Variants in CRYBG1 observed in about 807,000 individuals in gnomAD.
CRYBG1 encodes beta/gamma crystallin domain-containing protein 1.
CRYBG1 carries 139 observed loss-of-function variants against 189.2 expected under a neutral mutation model. The ratio of observed to expected loss-of-function variants is 0.73; its 90% CI spans 0.64 to 0.85. The LOEUF is 0.85. Ranked by LOEUF, CRYBG1 falls within the 40% of genes least tolerant of loss-of-function variation. The pLI is 0.00. For missense variants in CRYBG1, 2,611 were observed against 2,675.8 expected (o/e 0.98, Z 0.53); for synonymous variants, 1,023 against 1,017.1 (o/e 1.01, Z -0.11).
At chr6:106,393,879 G>A (rs1321114787) in intron 1 of CRYBG1, among the ~76,000 whole-genome samples, 1 of 152,056 alleles carries the variant, frequency 6.6e-6, no homozygotes, top group Non-Finnish European at 1.5e-5. Flanking sequence ...TGCCATGTTA[G>A]CCAGGCTGGT....
intron 2 of CRYBG1, among the ~76,000 whole-genome samples, chr6:106,473,305 G>C (rs1772274353): frequency 6.6e-6 from 1 of 152,126 alleles, no homozygotes; most frequent in Admixed American, 6.6e-5. Context: ...GGGCAATCCT[G>C]TTTCCTCTCT....
At chr6:106,504,637 G>C (rs1255921795) in intron 2 of CRYBG1, among the ~76,000 whole-genome samples, 1 of 151,672 alleles carries the variant, frequency 6.6e-6, no homozygotes, top group African/African-American at 2.4e-5. Context: ...TCTTTTTGCT[G>C]TGCGTGTGTG....
chr6:106,404,608 A>G (rs557515776), intron 1 of CRYBG1, among the ~76,000 whole-genome samples: 1 of 152,210 alleles, frequency 6.6e-6, no homozygotes, highest in East Asian at 1.9e-4. Flanking sequence ...CCAAATAGGA[A>G]CAGCTCCGGT....
chr6:106,556,209 C>T (rs7755346), intron 17 of CRYBG1, among the ~76,000 whole-genome samples: 119,726 of 152,160 alleles, frequency 0.79, 48,932 homozygotes, highest in Non-Finnish European at 0.89. Flanking sequence ...TCAGTACTGC[C>T]AGATCCCACC....
At chr6:106,498,868 C>T (rs989115783) in intron 2 of CRYBG1, among the ~76,000 whole-genome samples, 8 of 151,286 alleles carry the variant, frequency 5.3e-5, no homozygotes, top group Admixed American at 4.6e-4. Flanking sequence ...AAGTGAGACC[C>T]GTCTCAAAAA....
chr6:106,536,561 G>A (rs9486385), intron 8 of CRYBG1, among the ~76,000 whole-genome samples: 45,739 of 152,098 alleles, frequency 0.3, 7,200 homozygotes, highest in South Asian at 0.37. Flanking sequence ...TTGTTTAAGA[G>A]CAAGTGAACA....
intron 1 of CRYBG1, among the ~76,000 whole-genome samples, chr6:106,393,529 G>C (rs891860485): frequency 1.3e-5 from 2 of 152,146 alleles, no homozygotes; most frequent in African/African-American, 4.8e-5. Context: ...GGCAGGGATT[G>C]GATGGTGCAC....
intron 1 of CRYBG1, among the ~76,000 whole-genome samples, chr6:106,361,457 A>G (rs1771867549): frequency 6.6e-6 from 1 of 152,132 alleles, no homozygotes; most frequent in Non-Finnish European, 1.5e-5. Context: ...ACTGCTTTTG[A>G]GCTAGTGTCT....
chr6:106,426,591 C>T (rs1041883730), intron 1 of CRYBG1, among the ~76,000 whole-genome samples: 2 of 152,124 alleles, frequency 1.3e-5, no homozygotes, highest in Non-Finnish European at 2.9e-5. Context: ...TTCAAACCCA[C>T]AGCCAACATC....
At position 106,539,458 on chromosome 6, in the gene CRYBG1, G is replaced by A. The variant is rs753058355; in HGVS notation, c.4774G>A (p.Gly1592Ser). Residue 1592 changes from glycine (G) to serine (S), a missense_variant, in exon 9 of 22, where the codon GGT becomes AGT. By Grantham distance (56) the Gly-to-Ser change is moderately conservative. This residue lies in a region of CRYBG1 where 1,622 missense variants were observed against 1,735.0 expected (regional missense o/e 0.93). Coordinates refer to ENST00000633556, the MANE Select transcript of CRYBG1 (RefSeq NM_001371242.2). ...FQGVPFILEP[G>S]EYPDLSFWDT... ...GGGTGTTCCTTTCATCCTGGAACCT[G>A]GTGAATACCCTGACTTGTCCTTCTG... 6.2e-7 allele frequency: 1 copy of A among 1,613,918 alleles called. No homozygotes were observed. The highest frequency in any genetic ancestry group is 1.1e-5 in the South Asian group (1 of 91,064).
intron 21 of CRYBG1, among the ~76,000 whole-genome samples, chr6:106,564,759 G>A (rs756951236): frequency 2.6e-5 from 4 of 152,252 alleles, no homozygotes; most frequent in Middle Eastern, 6.8e-3. Context: ...CTAGTGTGTT[G>A]CTATTGACAG....
intron 1 of CRYBG1, among the ~76,000 whole-genome samples, chr6:106,427,320 A>T (rs1771245380): frequency 6.6e-6 from 1 of 152,170 alleles, no homozygotes; most frequent in Non-Finnish European, 1.5e-5. Flanking sequence ...ACAGGTCTAA[A>T]ACCCAACTAT....
In CRYBG1 at chr6:106,553,307, G is replaced by C. The variant is rs575233548; in HGVS notation, c.5473-148G>C. On this transcript the variant is annotated intron_variant, in intron 15 of 21. Transcript: ENST00000633556. ...ATGTTTCTAATTGATCATGAATGTAGACATGGAAAATTAAAGGATTTCTAA... is the reference window on the plus strand; with the variant it reads ...ATGTTTCTAATTGATCATGAATGTACACATGGAAAATTAAAGGATTTCTAA... 161 of 606,344 alleles carry C rather than the reference G, an allele frequency of 2.7e-4. No individual in the cohort carries two copies. In the African/African-American group the frequency reaches 2.8e-3, roughly 10 times the overall value. The allele number at this position is 606,344 out of a possible 1,614,324, so 37.6% of individuals were successfully genotyped here.
At position 106,544,347 on chromosome 6, in the gene CRYBG1, C is replaced by T. The variant is rs117752389; in HGVS notation, c.5040-224C>T. 1.4e-3 allele frequency among the ~76,000 whole-genome samples: 210 copies of T among 152,204 alleles called. 2 individuals carry two copies. The East Asian group carries it at 0.018, about 13-fold the overall frequency. On this transcript the variant is annotated intron_variant, in intron 11 of 21. Coordinates refer to ENST00000633556, the MANE Select transcript of CRYBG1 (RefSeq NM_001371242.2). The stretch of plus-strand genomic sequence containing the variant: ...CACACATACACACCACTCACACACA[C>T]GCTCCCCTTCCCTTTTTTATACAAC...
intron 2 of CRYBG1, among the ~76,000 whole-genome samples, chr6:106,475,538 A>G (rs1437023527): frequency 6.6e-6 from 1 of 152,186 alleles, no homozygotes; most frequent in Admixed American, 6.5e-5. Flanking sequence ...AGATAAAGAG[A>G]CAGGCAAGCA....
At position 106,563,773 on chromosome 6, in the gene CRYBG1, G is replaced by T; in HGVS notation, c.6148G>T (p.Asp2050Tyr). ...CTTTTCCACTGAGCAGATAGCAGAAGACTGCTGCCTGACGATTGTGGGCAG... is the reference window on the plus strand; with the variant it reads ...CTTTTCCACTGAGCAGATAGCAGAATACTGCTGCCTGACGATTGTGGGCAG... ...EGCIKCRIAEDCCLTIVGSLV... is the reference protein window; with the variant it reads ...EGCIKCRIAEYCCLTIVGSLV... The change falls in exon 21 of 22, where the codon GAC becomes TAC. Residue 2050 changes from aspartate (D) to tyrosine (Y), a missense_variant. Physicochemically the swap from Asp to Tyr is radical, Grantham distance 160. Coordinates refer to ENST00000633556, the MANE Select transcript of CRYBG1 (RefSeq NM_001371242.2). The T allele has an allele frequency of 6.2e-7, 1 of 1,606,932 alleles. No individual in the cohort carries two copies.
intron 13 of CRYBG1, among the ~76,000 whole-genome samples, chr6:106,550,590 T>C (rs1360805222): frequency 1.3e-5 from 2 of 151,144 alleles, no homozygotes; most frequent in African/African-American, 4.8e-5. Flanking sequence ...TCTATGAGTT[T>C]GCTCAATTTT....
chr6:106,545,561 G>A (rs1770720), intron 13 of CRYBG1, among the ~76,000 whole-genome samples: 121,294 of 151,910 alleles, frequency 0.8, 49,068 homozygotes, highest in South Asian at 0.92. Context: ...TAGATGCAGC[G>A]GATCAAACAC....
chr6:106,392,563 A>G (rs897048944), intron 1 of CRYBG1, among the ~76,000 whole-genome samples: 1 of 152,204 alleles, frequency 6.6e-6, no homozygotes, highest in Non-Finnish European at 1.5e-5. Flanking sequence ...GTGGAGGGAG[A>G]TCTGATAGGA....
Sources: gnomAD v4.1 joint callset for allele counts (sites outside exome capture counted in the v4.1 genomes callset) on GRCh38, gnomAD v4.1.1 for gene constraint, gnomAD v4.1.1 regional missense constraint, MANE v1.5 for transcripts, NCBI Gene and HGNC (gene_info 2026-07-23, HGNC 2026-07-21) for gene names.